FUBP1: variants seen among roughly 807,000 people sequenced by gnomAD.
The protein encoded by FUBP1 is far upstream element binding protein 1, also known as far upstream element-binding protein 1.
A neutral mutation model predicts 94.9 loss-of-function variants in FUBP1; 16 were observed. The observed-to-expected ratio is 0.17, with a 90% CI of 0.11 to 0.26. The LOEUF (loss-of-function observed/expected upper bound fraction) is 0.26. Ranked by LOEUF, FUBP1 falls within the 10% of genes least tolerant of loss-of-function variation. The pLI is 1.00. For missense variants in FUBP1, 583 were observed against 808.6 expected (o/e 0.72, Z 3.38); for synonymous variants, 279 against 254.9 (o/e 1.09, Z -0.90).
Position 77,978,951 on chromosome 1 carries a change from A to G in FUBP1, c.54T>C (p.Gly18=), listed in dbSNP as rs61729829. 11,504 of 1,613,022 alleles carry G rather than the reference A, an allele frequency of 7.1e-3. 96 individuals carry two copies. The highest frequency in any genetic ancestry group is 8.1e-3 in the Middle Eastern group (49 of 6,056). ...CTCCTCCACCACCACCGCCGCCACC[A>G]CCGCCACCAGCTGAGCCAGAAGAGG... ...PPPSSGSAGG[G]GGGGGGGGVN... is the part of the protein sequence containing the mutation. The change falls in exon 1 of 20, where the codon GGT becomes GGC. Residue 18 remains glycine, a synonymous_variant. Coordinates refer to ENST00000370768, the MANE Select transcript of FUBP1 (RefSeq NM_003902.5).
chr1:77,974,683 T>C (rs1026599436), intron 1 of FUBP1, among the ~76,000 whole-genome samples: 2 of 152,222 alleles, frequency 1.3e-5, no homozygotes, highest in Non-Finnish European at 2.9e-5. Context: ...TGATTTAGAA[T>C]TTAAACTTTA....
At chr1:77,958,911 A>G (rs893156549) in intron 16 of FUBP1, among the ~76,000 whole-genome samples, 2 of 152,182 alleles carry the variant, frequency 1.3e-5, no homozygotes, top group African/African-American at 4.8e-5. Context: ...AGTTGTTAAG[A>G]GTATTATATC....
At chr1:77,955,173 T>TAA (rs1654220432) in intron 18 of FUBP1, 82 bp downstream of exon 18, 1 of 678,900 alleles carries the variant, frequency 1.5e-6, no homozygotes, top group Non-Finnish European at 2.6e-6. Context: ...CCAGTGATTT[T>TAA]ATTCAATTAT....
At chr1:77,956,751 TCACACA>T (rs369403301) in intron 16 of FUBP1, 51 bp from the exon 17 acceptor site, 13 of 1,382,364 alleles carry the variant, frequency 9.4e-6, no homozygotes, top group South Asian at 1.3e-5. Flanking sequence ...TAATTCTCTC[TCACACA>T]CACACACACC....
intron 14 of FUBP1, among the ~76,000 whole-genome samples, chr1:77,961,940 T>C (rs1261259736): frequency 2.0e-5 from 3 of 152,234 alleles, no homozygotes; most frequent in Non-Finnish European, 4.4e-5. Context: ...CTTTTGTACA[T>C]CTATTTTTGT....
chr1:77,960,701 T>C, intron 14 of FUBP1: 1 of 460,836 alleles, frequency 2.2e-6, no homozygotes. Context: ...TCAATAGCAG[T>C]AGCAATTAAA....
intron 1 of FUBP1, among the ~76,000 whole-genome samples, chr1:77,971,625 T>C (rs547967167): frequency 8.8e-4 from 134 of 152,150 alleles, no homozygotes; most frequent in African/African-American, 2.5e-3. Flanking sequence ...CTAGGACTCA[T>C]AGATTTCCCT....
chr1:77,962,080 AAAAACTCC>A (rs1205543211), intron 14 of FUBP1, among the ~76,000 whole-genome samples: 3 of 152,212 alleles, frequency 2.0e-5, no homozygotes, highest in African/African-American at 7.2e-5. Context: ...ACTTTGTGTT[AAAAACTCC>A]AGTAAGACAC....
chr1:77,964,017 T>C (rs372410011), intron 12 of FUBP1, 45 bp downstream of exon 12: 2 of 1,164,620 alleles, frequency 1.7e-6, no homozygotes, highest in South Asian at 2.4e-5. Context: ...AGGAAAATAC[T>C]TTTCCATAAA....
intron 9 of FUBP1, 60 bp from the exon 10 acceptor site, chr1:77,964,807 T>C: frequency 1.4e-6 from 2 of 1,480,054 alleles, no homozygotes; most frequent in South Asian, 1.1e-5. Flanking sequence ...TAATTATTCA[T>C]GCATATTTTG....
chr1:77,957,065 G>A (rs1654602587), intron 16 of FUBP1, among the ~76,000 whole-genome samples: 1 of 152,102 alleles, frequency 6.6e-6, no homozygotes, highest in Non-Finnish European at 1.5e-5. Context: ...CTATCTAGAA[G>A]ATGACTAAAG....
intron 16 of FUBP1, among the ~76,000 whole-genome samples, chr1:77,958,896 A>C (rs538451914): frequency 6.6e-6 from 1 of 152,308 alleles, no homozygotes; most frequent in African/African-American, 2.4e-5. Flanking sequence ...CATTCTCCAA[A>C]AATTAGTTGT....
intron 1 of FUBP1, 45 bp downstream of exon 1, chr1:77,978,840 A>T: frequency 6.2e-7 from 1 of 1,612,278 alleles, no homozygotes; most frequent in Non-Finnish European, 8.5e-7. Context: ...GTCAGCGGCC[A>T]ATTACCGTGA....
chr1:77,955,459 G>T (rs1654271374), intron 17 of FUBP1, 130 bp from the exon 18 acceptor site: 1 of 634,744 alleles, frequency 1.6e-6, no homozygotes, highest in Non-Finnish European at 2.8e-6. Flanking sequence ...AGTACTATGT[G>T]GTGGTGGCAT....
intron 1 of FUBP1, among the ~76,000 whole-genome samples, chr1:77,974,347 C>T (rs375726417): frequency 5.7e-4 from 86 of 151,878 alleles, no homozygotes; most frequent in Non-Finnish European, 8.4e-4. Context: ...TTAGCCAGGA[C>T]GGTCTCAATC....
intron 16 of FUBP1, among the ~76,000 whole-genome samples, chr1:77,959,103 T>G (rs1654987889): frequency 6.6e-6 from 1 of 152,232 alleles, no homozygotes; most frequent in Non-Finnish European, 1.5e-5. Flanking sequence ...ATCAAGCAAT[T>G]TCATTTACAT....
intron 4 of FUBP1, 37 bp from the exon 5 acceptor site, chr1:77,967,138 A>G (rs1248331086): frequency 7.8e-7 from 1 of 1,285,512 alleles, no homozygotes; most frequent in South Asian, 1.3e-5. Context: ...TCCTTCAATG[A>G]AAGATACTTT....
upstream of FUBP1, chr1:77,979,338 C>G (rs973844765): frequency 2.1e-5 from 6 of 284,452 alleles, no homozygotes; most frequent in African/African-American, 1.3e-4. Flanking sequence ...GTGATAGTGG[C>G]CAGTTGACTG....
intron 19 of FUBP1, 135 bp downstream of exon 19, chr1:77,949,020 G>A (rs746199586): frequency 6.8e-5 from 65 of 952,790 alleles, no homozygotes; most frequent in South Asian, 4.6e-4. Flanking sequence ...ACAATACACC[G>A]TAGTACTTCA....
Sources: gnomAD v4.1 joint callset for allele counts (sites outside exome capture counted in the v4.1 genomes callset) on GRCh38, gnomAD v4.1.1 for gene constraint, MANE v1.5 for transcripts, NCBI Gene and HGNC (gene_info 2026-07-23, HGNC 2026-07-21) for gene names.